Variants in ANKRD10 observed in about 807,000 individuals in gnomAD.
ANKRD10 encodes ankyrin repeat domain 10.
ANKRD10 carries 14 observed loss-of-function variants against 27.0 expected under a neutral mutation model. The ratio of observed to expected loss-of-function variants is 0.52; its 90% CI spans 0.34 to 0.81. The LOEUF (loss-of-function observed/expected upper bound fraction) is 0.81, where lower values mean the gene tolerates loss of function less well. Ranked by LOEUF, ANKRD10 falls within the 40% of genes least tolerant of loss-of-function variation. The pLI is 0.01. For synonymous variants in ANKRD10, 250 were observed against 224.5 expected, an observed-to-expected ratio of 1.11 and a Z score of -1.01; for missense variants, 493 against 544.0, an observed-to-expected ratio of 0.91 and a Z score of 0.93.
intron 2 of ANKRD10, among the ~76,000 whole-genome samples, chr13:110,906,929 CATGA>C (rs1271631853): frequency 6.6e-6 from 1 of 152,068 alleles, no homozygotes; most frequent in African/African-American, 2.4e-5. Context: ...GTCTACACTG[CATGA>C]ATGAAACAAC....
At chr13:110,884,192 A>T (rs559289870) in intron 4 of ANKRD10, among the ~76,000 whole-genome samples, 154 of 146,774 alleles carry the variant, frequency 1.0e-3, no homozygotes, top group Middle Eastern at 6.9e-3. Context: ...CTGATTTTTT[A>T]AAAAAATCCA....
chr13:110,893,288 T>G, intron 3 of ANKRD10, 25 bp from the exon 4 acceptor site: 1 of 1,609,186 alleles, frequency 6.2e-7, no homozygotes, highest in Non-Finnish European at 8.5e-7. Flanking sequence ...AACACTGAAT[T>G]ACACCCCATC....
At chr13:110,900,538 T>C (rs1215098082) in intron 3 of ANKRD10, 13 of 1,339,848 alleles carry the variant, frequency 9.7e-6, no homozygotes, top group Non-Finnish European at 1.3e-5. Flanking sequence ...ACCTCAACAG[T>C]ATGCCTCGTG....
intron 1 of ANKRD10, chr13:110,914,361 A>C: frequency 5.9e-6 from 1 of 170,194 alleles, no homozygotes; most frequent in African/African-American, 2.4e-5. Context: ...CCCGGCCTGG[A>C]GGGCCCCGCA....
intron 3 of ANKRD10, among the ~76,000 whole-genome samples, chr13:110,895,931 T>C (rs1432365222): frequency 1.3e-5 from 2 of 152,188 alleles, no homozygotes; most frequent in Non-Finnish European, 2.9e-5. Flanking sequence ...GTCCTCTACT[T>C]AGACCAACCA....
intron 4 of ANKRD10, among the ~76,000 whole-genome samples, chr13:110,885,559 A>AAAAG (rs367686330): frequency 6.6e-6 from 1 of 152,070 alleles, no homozygotes; most frequent in East Asian, 1.9e-4. Context: ...AAAAAAGAAA[A>AAAAG]AAAGAAAGAA....
At chr13:110,894,402 GCAAAAA>G in intron 3 of ANKRD10, 1 of 11,070 alleles carries the variant, frequency 9.0e-5, no homozygotes, top group Non-Finnish European at 1.8e-4. Context: ...TACTGTTAAT[GCAAAAA>G]AAAAAAAAAA....
intron 5 of ANKRD10, among the ~76,000 whole-genome samples, chr13:110,881,134 G>C (rs574976142): frequency 6.6e-6 from 1 of 152,178 alleles, no homozygotes; most frequent in African/African-American, 2.4e-5. Context: ...AGGAATTCAC[G>C]TAACAGTATA....
chr13:110,885,945 C>G (rs1379456189), intron 4 of ANKRD10, among the ~76,000 whole-genome samples: 3 of 152,240 alleles, frequency 2.0e-5, no homozygotes, highest in Non-Finnish European at 4.4e-5. Context: ...GGGTGTTTGT[C>G]TTCTCCTTCA....
chr13:110,907,540 C>T (rs2065571270), intron 2 of ANKRD10, among the ~76,000 whole-genome samples: 1 of 152,044 alleles, frequency 6.6e-6, no homozygotes, highest in Non-Finnish European at 1.5e-5. Context: ...GATTAATTTA[C>T]AGAAAAATAA....
chr13:110,891,254 G>C (rs1175641438), intron 4 of ANKRD10, among the ~76,000 whole-genome samples: 1 of 152,110 alleles, frequency 6.6e-6, no homozygotes, highest in Non-Finnish European at 1.5e-5. Context: ...TTTAATTAAA[G>C]GAAATGACAA....
intron 2 of ANKRD10, among the ~76,000 whole-genome samples, chr13:110,909,198 G>A (rs2065623080): frequency 6.6e-6 from 1 of 152,164 alleles, no homozygotes; most frequent in African/African-American, 2.4e-5. Context: ...ACAATTTGAT[G>A]AAAATTAACC....
At chr13:110,901,481 G>A (rs2065378459) in intron 3 of ANKRD10, among the ~76,000 whole-genome samples, 1 of 152,120 alleles carries the variant, frequency 6.6e-6, no homozygotes, top group African/African-American at 2.4e-5. Flanking sequence ...AAAGACATTT[G>A]GATTTAGCAA....
rs1594527962 is a variant in ANKRD10, at chr13:110,881,736, T to G, written c.788-1624A>C. On this transcript the variant is annotated intron_variant, in intron 5 of 5. Transcript: ENST00000267339. ...GATGGCAACCTTGACAGTTGTTTAT[T>G]GTGTGTATAGTTTTTACTAAGAGAA... Among the ~76,000 whole-genome samples, 3 of 152,354 alleles carry G rather than the reference T, an allele frequency of 2.0e-5. No homozygotes were observed. The South Asian group carries it at 6.2e-4, about 32-fold the overall frequency.
chr13:110,879,416 T>C lies in ANKRD10; in HGVS notation c.*221A>G, dbSNP rs935048839. 6.5e-5 allele frequency: 34 copies of C among 523,450 alleles called. No homozygotes were observed. The East Asian group carries it at 1.0e-3, about 16-fold the overall frequency. 32.4% of individuals were successfully genotyped at this position (523,450 alleles called of 1,614,324 possible). A position where few individuals can be genotyped will look rare whatever the true frequency, so the allele number is the denominator to read the frequency against. On this transcript the variant is annotated 3_prime_UTR_variant, in exon 6 of 6. Transcript: ENST00000267339. The stretch of plus-strand genomic sequence containing the variant: ...AGAAAAACTCCAAAAGTGCACCTTA[T>C]AAAAAGGACACCTCACTGTAGAAAC...
chr13:110,892,581 G>T, intron 4 of ANKRD10: 1 of 324,170 alleles, frequency 3.1e-6, no homozygotes, highest in Non-Finnish European at 4.5e-6. Context: ...TACAGAAATA[G>T]TACAGAAAAC....
chr13:110,897,962 TTAA>T lies in ANKRD10; in HGVS notation c.456-4702_456-4700del, dbSNP rs756292101. Among the ~76,000 whole-genome samples, 11 of 152,252 alleles carry T rather than the reference TTAA, an allele frequency of 7.2e-5. No individual in the cohort carries two copies. In the East Asian group the frequency reaches 9.6e-4, roughly 13 times the overall value. On this transcript the variant is annotated intron_variant, in intron 3 of 5. Transcript: ENST00000267339. The stretch of plus-strand genomic sequence containing the variant: ...AATATTTCTCCTCATTCCTCTACTC[TTAA>T]TAATGGATTTTCTGAAAAACATCTA...
chr13:110,905,888 C>T, intron 3 of ANKRD10, 145 bp downstream of exon 3: 1 of 667,482 alleles, frequency 1.5e-6, no homozygotes, highest in Non-Finnish European at 2.5e-6. Context: ...ATTTTCCTCA[C>T]TAACACCAAC....
intron 1 of ANKRD10, among the ~76,000 whole-genome samples, chr13:110,913,268 A>T (rs939046966): frequency 2.6e-5 from 4 of 152,258 alleles, no homozygotes; most frequent in African/African-American, 4.8e-5. Flanking sequence ...GTGTAAAAAT[A>T]AACCACAGCA....
Sources: allele counts gnomAD v4.1 joint callset (sites outside exome capture counted in the v4.1 genomes callset), GRCh38; gene constraint gnomAD v4.1.1; transcripts MANE v1.5; gene names NCBI Gene and HGNC (gene_info 2026-07-23, HGNC 2026-07-21).